Variants in BAIAP2 observed in about 807,000 individuals in gnomAD.
The protein encoded by BAIAP2 is BAR/IMD domain-containing adapter protein 2.
Under a neutral mutation model 63.0 loss-of-function variants are expected in BAIAP2, and 18 were observed. That is an observed-to-expected ratio of 0.29 (90% CI 0.20 to 0.42). The LOEUF is 0.42. Ranked by LOEUF, BAIAP2 falls within the 10% of genes least tolerant of loss-of-function variation. BAIAP2 has a pLI of 1.00. For missense variants in BAIAP2, 610 were observed against 734.3 expected (o/e 0.83, Z 1.96); for synonymous variants, 386 against 307.6 (o/e 1.25, Z -2.67).
At chr17:81,111,412 G>GA (rs2059913845) in intron 13 of BAIAP2, among the ~76,000 whole-genome samples, 3 of 152,230 alleles carry the variant, frequency 2.0e-5, no homozygotes, top group Admixed American at 2.0e-4. Flanking sequence ...GGGTCCTGGG[G>GA]AGAACCCTGG....
chr17:81,074,864 C>G (rs2053396076), intron 3 of BAIAP2, among the ~76,000 whole-genome samples: 1 of 152,240 alleles, frequency 6.6e-6, no homozygotes, highest in Non-Finnish European at 1.5e-5. Context: ...GCGATTGTGG[C>G]AAAGCACACC....
chr17:81,103,444 C>T, intron 7 of BAIAP2, 58 bp from the exon 8 acceptor site: 2 of 1,487,268 alleles, frequency 1.3e-6, no homozygotes, highest in East Asian at 2.5e-5. Flanking sequence ...AGCGCTGTGC[C>T]TGGCTGCAGG....
At chr17:81,114,983 C>T (rs2060353581) in intron 13 of BAIAP2, among the ~76,000 whole-genome samples, 1 of 152,242 alleles carries the variant, frequency 6.6e-6, no homozygotes, top group African/African-American at 2.4e-5. Context: ...TGCTGTCACC[C>T]TTGGAGCTGC....
chr17:81,072,693 C>T (rs2052911205), intron 3 of BAIAP2, among the ~76,000 whole-genome samples: 1 of 152,194 alleles, frequency 6.6e-6, no homozygotes, highest in African/African-American at 2.4e-5. Context: ...ACTCTGAGCA[C>T]AGGCGGGCGG....
chr17:81,086,116 C>T (rs1381390762), intron 5 of BAIAP2, among the ~76,000 whole-genome samples: 2 of 137,186 alleles, frequency 1.5e-5, no homozygotes, highest in Non-Finnish European at 3.1e-5. Flanking sequence ...TGAGGCACTG[C>T]TTGAGGGTTT....
chr17:81,085,342 C>T, intron 4 of BAIAP2: 3 of 562,242 alleles, frequency 5.3e-6, no homozygotes, highest in Non-Finnish European at 9.8e-6. Flanking sequence ...GCCCTGCGAC[C>T]TCTCAGCCTG....
At chr17:81,104,435 A>G in intron 9 of BAIAP2, 79 bp from the exon 10 acceptor site, 1 of 1,454,788 alleles carries the variant, frequency 6.9e-7, no homozygotes, top group Non-Finnish European at 9.2e-7. Context: ...CTGTGCTCTC[A>G]GCACCTCAAC....
chr17:81,086,537 A>G lies in BAIAP2; in HGVS notation c.446A>G (p.Gln149Arg). Residue 149 changes from glutamine (Q) to arginine (R), a missense_variant, in exon 6 of 14, where the codon CAG (glutamine) becomes CGG (arginine). Coordinates refer to ENST00000428708, the MANE Select transcript of BAIAP2 (RefSeq NM_001144888.2). ...AELKKLRKKS[Q>R]GSKNPQKYSD... The stretch of plus-strand genomic sequence containing the variant: ...CTGAAGAAGCTTCGGAAGAAGAGCC[A>G]GGGCAGCAAGAATCCTCAGAAGTAC... 6.2e-7 allele frequency: 1 copy of G among 1,613,908 alleles called. No individual in the cohort carries two copies.
At chr17:81,066,437 A>G (rs1004168251) in intron 3 of BAIAP2, among the ~76,000 whole-genome samples, 2 of 152,228 alleles carry the variant, frequency 1.3e-5, no homozygotes, top group African/African-American at 4.8e-5. Flanking sequence ...TGTTGGCTGC[A>G]GTGCACGCCT....
chr17:81,117,376 C>CACAAA lies in BAIAP2; in HGVS notation c.*1543_*1547dup, dbSNP rs1290716145. 2.6e-5 allele frequency: 4 copies of CACAAA among 152,294 alleles called. No individual in the cohort carries two copies. The highest frequency in any genetic ancestry group is 2.0e-4 in the Admixed American group (3 of 15,288). 9.4% of individuals were successfully genotyped at this position (152,294 alleles called of 1,614,324 possible). A position where few individuals can be genotyped will look rare whatever the true frequency, so the allele number is the denominator to read the frequency against. Reference sequence around the variant, plus strand: ...CCAGCGTTCTAAGCCTCAAACAAAACACAAAACAAATCCCCCTGCGAAGCA... The same window carrying CACAAA: ...CCAGCGTTCTAAGCCTCAAACAAAACACAAAACAAAACAAATCCCCCTGCGAAGCA... On this transcript the variant is annotated 3_prime_UTR_variant, in exon 14 of 14. Coordinates refer to ENST00000428708, the MANE Select transcript of BAIAP2 (RefSeq NM_001144888.2).
At chr17:81,091,692 GCTGCCGGA>G (rs1405614008) in intron 6 of BAIAP2, among the ~76,000 whole-genome samples, 1 of 152,184 alleles carries the variant, frequency 6.6e-6, no homozygotes, top group African/African-American at 2.4e-5. Context: ...GCAGGAGGGG[GCTGCCGGA>G]CTGCCGGAAG....
intron 13 of BAIAP2, among the ~76,000 whole-genome samples, chr17:81,111,259 C>G (rs180671224): frequency 6.6e-6 from 1 of 152,384 alleles, no homozygotes; most frequent in East Asian, 1.9e-4. Flanking sequence ...TCCTGCCCTG[C>G]TGGGCGCTTC....
chr17:81,087,202 C>T lies in BAIAP2; in HGVS notation c.489+622C>T, dbSNP rs144145617. 2.3e-3 allele frequency among the ~76,000 whole-genome samples: 346 copies of T among 152,298 alleles called. 2 individuals are homozygous for T. The highest frequency in any genetic ancestry group is 8.0e-3 in the African/African-American group (332 of 41,564). On this transcript the variant is annotated intron_variant, in intron 6 of 13. Coordinates refer to ENST00000428708, the MANE Select transcript of BAIAP2 (RefSeq NM_001144888.2). ...AGAAACACAAAACAAGATGCCCAGT[C>T]GTGTGTAAAGGAAACATCAGGAAAA... is the stretch of plus-strand genomic sequence containing the variant.
In BAIAP2 at chr17:81,113,616, C is replaced by T. The variant is rs372596374; in HGVS notation, c.1536-2154C>T. Among the ~76,000 whole-genome samples the T allele has an allele frequency of 3.3e-5, 5 of 151,996 alleles. No homozygotes were observed. In the South Asian group the frequency reaches 6.2e-4, roughly 19 times the overall value. On this transcript the variant is annotated intron_variant, in intron 13 of 13. Transcript: ENST00000428708. ...CTCTGGCCTGCGCTCTCCCCATCCCCGCCGACCCCCCTGCCCCCGTCAGGC... is the reference window on the plus strand; with the variant it reads ...CTCTGGCCTGCGCTCTCCCCATCCCTGCCGACCCCCCTGCCCCCGTCAGGC...
intron 3 of BAIAP2, among the ~76,000 whole-genome samples, chr17:81,062,019 T>A (rs1010334415): frequency 1.6e-4 from 24 of 152,210 alleles, no homozygotes; most frequent in Non-Finnish European, 4.4e-5. Flanking sequence ...CTCGGCTCAC[T>A]GCCACCTTCA....
At chr17:81,045,356 G>A (rs12051580) in intron 1 of BAIAP2, among the ~76,000 whole-genome samples, 14,797 of 152,292 alleles carry the variant, frequency 0.097, 851 homozygotes, top group Admixed American at 0.17. Flanking sequence ...CCCACAGGCG[G>A]AGGGCAGAAG....
intron 6 of BAIAP2, among the ~76,000 whole-genome samples, chr17:81,093,325 C>T (rs534793729): frequency 4.5e-4 from 69 of 152,204 alleles, no homozygotes; most frequent in Non-Finnish European, 8.4e-4. Flanking sequence ...CCTGAAACTC[C>T]TGCTGCAGAG....
intron 3 of BAIAP2, among the ~76,000 whole-genome samples, chr17:81,077,721 G>A (rs532737319): frequency 1.3e-5 from 2 of 152,218 alleles, no homozygotes; most frequent in Admixed American, 1.3e-4. Context: ...AGCGGGTGCC[G>A]TCTCAGGTGC....
rs369766631 is a variant in BAIAP2 at position 81,072,752 on chromosome 17, G to A, written c.218-12080G>A. Among the ~76,000 whole-genome samples, 26 of 151,998 alleles carry A rather than the reference G, an allele frequency of 1.7e-4. No individual in the cohort carries two copies. The East Asian group carries it at 4.1e-3, about 24-fold the overall frequency. On this transcript the variant is annotated intron_variant, in intron 3 of 13. Transcript: ENST00000428708. ...TTCTTTCATTTTTCCTGACCTCTTC[G>A]CCCAGCGTCCTCTGCTTGGAGGTGG...
Sources: gnomAD v4.1 joint callset for allele counts (sites outside exome capture counted in the v4.1 genomes callset) on GRCh38, gnomAD v4.1.1 for gene constraint, MANE v1.5 for transcripts, NCBI Gene and HGNC (gene_info 2026-07-23, HGNC 2026-07-21) for gene names.